The following EPHA6 variants were observed in gnomAD, a reference collection of about 807,000 sequenced individuals.
The protein encoded by EPHA6 is ephrin type-A receptor 6.
Under a neutral mutation model 112.0 loss-of-function variants are expected in EPHA6, and 50 were observed. The ratio of observed to expected loss-of-function variants is 0.45; its 90% CI spans 0.36 to 0.56. The LOEUF (loss-of-function observed/expected upper bound fraction) is 0.56. EPHA6 is among the 20% of genes least tolerant of loss of function. EPHA6 has a pLI of 0.00. For synonymous variants in EPHA6, 529 were observed against 490.7 expected (o/e 1.08, Z -1.03); for missense variants, 1,280 against 1,417.4 (o/e 0.90, Z 1.56).
intron 3 of EPHA6, among the ~76,000 whole-genome samples, chr3:97,198,769 A>G (rs1159852830): frequency 2.6e-5 from 4 of 152,168 alleles, no homozygotes; most frequent in Non-Finnish European, 5.9e-5. Flanking sequence ...TCATTAAAGC[A>G]AAAATTCAAC....
intron 2 of EPHA6, among the ~76,000 whole-genome samples, chr3:96,922,323 A>G (rs374440809): frequency 3.3e-5 from 5 of 152,206 alleles, no homozygotes; most frequent in Non-Finnish European, 5.9e-5. Context: ...TTCAGCAAAG[A>G]TTGTCAAAGA....
At chr3:96,965,563 AT>A (rs1203949317) in intron 2 of EPHA6, among the ~76,000 whole-genome samples, 3 of 152,040 alleles carry the variant, frequency 2.0e-5, no homozygotes, top group Non-Finnish European at 4.4e-5. Context: ...TGTAGTTTAT[AT>A]TTTTTCTTAC....
At chr3:96,816,654 T>A (rs941622412) in intron 1 of EPHA6, among the ~76,000 whole-genome samples, 2 of 152,072 alleles carry the variant, frequency 1.3e-5, no homozygotes, top group Non-Finnish European at 2.9e-5. Flanking sequence ...CATGCAATAA[T>A]TTCCCCAAAC....
At chr3:97,628,250 C>G (rs301928) in intron 13 of EPHA6, among the ~76,000 whole-genome samples, 105,388 of 151,794 alleles carry the variant, frequency 0.69, 39,619 homozygotes, top group Middle Eastern at 0.9. Context: ...GTTAAAAGTA[C>G]AGCCAATAGG....
intron 3 of EPHA6, among the ~76,000 whole-genome samples, chr3:96,993,956 G>A (rs913234669): frequency 3.9e-5 from 6 of 152,114 alleles, no homozygotes; most frequent in African/African-American, 1.4e-4. Context: ...CATATCTACT[G>A]AATGATGTAT....
intron 6 of EPHA6, among the ~76,000 whole-genome samples, chr3:97,426,700 A>G (rs1224317103): frequency 6.6e-6 from 1 of 152,272 alleles, no homozygotes; most frequent in South Asian, 2.1e-4. Flanking sequence ...CAAGTGGAAC[A>G]TGATTAAACT....
chr3:97,401,398 C>T (rs1359485680), intron 5 of EPHA6, among the ~76,000 whole-genome samples: 5 of 151,790 alleles, frequency 3.3e-5, no homozygotes, highest in African/African-American at 1.2e-4. Context: ...CTTCACTGTA[C>T]AACCGTGGTA....
At chr3:96,855,223 C>A (rs957124763) in intron 1 of EPHA6, among the ~76,000 whole-genome samples, 3 of 152,164 alleles carry the variant, frequency 2.0e-5, no homozygotes, top group South Asian at 2.1e-4. Context: ...TATAAAATAT[C>A]CCCCTATTTT....
At chr3:97,518,407 TA>T (rs2092481114) in intron 10 of EPHA6, among the ~76,000 whole-genome samples, 1 of 152,132 alleles carries the variant, frequency 6.6e-6, no homozygotes, top group African/African-American at 2.4e-5. Context: ...CTATTGTAAA[TA>T]GTGCTGCAAT....
intron 6 of EPHA6, chr3:97,439,645 C>T (rs2090033261): frequency 2.0e-6 from 2 of 1,002,384 alleles, no homozygotes; most frequent in Admixed American, 1.2e-4. Flanking sequence ...AGGCAGAAAC[C>T]AGGAAAGCTA....
intron 7 of EPHA6, among the ~76,000 whole-genome samples, chr3:97,473,422 T>G (rs996329671): frequency 1.3e-5 from 2 of 151,818 alleles, no homozygotes; most frequent in Non-Finnish European, 3.0e-5. Context: ...TCAGTAATTA[T>G]GTATGTAAAA....
At chr3:97,555,980 T>G (rs1271499244) in intron 11 of EPHA6, among the ~76,000 whole-genome samples, 2 of 151,984 alleles carry the variant, frequency 1.3e-5, no homozygotes, top group Admixed American at 1.3e-4. Context: ...CCAAAGCTCA[T>G]AGGTCCCAAA....
intron 12 of EPHA6, among the ~76,000 whole-genome samples, chr3:97,602,306 G>A (rs115157373): frequency 5.6e-4 from 85 of 152,086 alleles, no homozygotes; most frequent in Non-Finnish European, 9.7e-4. Flanking sequence ...CATATTTCCT[G>A]TTTGTATAGA....
chr3:97,173,920 A>G (rs936645371), intron 3 of EPHA6, among the ~76,000 whole-genome samples: 2 of 151,734 alleles, frequency 1.3e-5, no homozygotes, highest in African/African-American at 4.8e-5. Context: ...AAAATATTCA[A>G]TTAAGTTGTT....
intron 1 of EPHA6, among the ~76,000 whole-genome samples, chr3:96,842,051 G>A (rs2034785370): frequency 2.0e-5 from 3 of 152,038 alleles, no homozygotes; most frequent in African/African-American, 7.2e-5. Flanking sequence ...AGCCAGGAGA[G>A]GAAATACCTA....
rs146885357 is a variant in EPHA6 at position 97,387,263 on chromosome 3, G to T, written c.1607-17887G>T. Among the ~76,000 whole-genome samples the T allele has an allele frequency of 7.5e-3, 1,141 of 151,216 alleles. 16 individuals are homozygous for T. The highest frequency in any genetic ancestry group is 0.027 in the African/African-American group (1,091 of 41,168). On this transcript the variant is annotated intron_variant, in intron 5 of 17. Transcript: ENST00000389672. ...GTTTTTCCTTTCTACCACATGATGG[G>T]ACTGCAAATTTTCCCAACTTCTGCT...
intron 5 of EPHA6, among the ~76,000 whole-genome samples, chr3:97,283,990 T>C (rs2108670434): frequency 6.6e-6 from 1 of 152,312 alleles, no homozygotes; most frequent in Admixed American, 6.5e-5. Context: ...CTCATAATTA[T>C]ATTTTCTAGT....
At chr3:97,445,845 G>T (rs2090325020) in intron 6 of EPHA6, among the ~76,000 whole-genome samples, 1 of 152,018 alleles carries the variant, frequency 6.6e-6, no homozygotes, top group Non-Finnish European at 1.5e-5. Context: ...ATGAAAAACA[G>T]AACTTTATGA....
rs1185238322 is a variant in EPHA6 at position 96,845,554 on chromosome 3, G to C, written c.386-21271G>C. 2.6e-5 allele frequency among the ~76,000 whole-genome samples: 4 copies of C among 151,994 alleles called. No individual in the cohort carries two copies. The East Asian group carries it at 7.8e-4, about 29-fold the overall frequency. On this transcript the variant is annotated intron_variant, in intron 1 of 17. Transcript: ENST00000389672. ...TTGGTTGGTTTTGTCTTAGTTCCTTGTTTGTTCTGCCTGTCTTAACTTCCT... is the reference window on the plus strand; with the variant it reads ...TTGGTTGGTTTTGTCTTAGTTCCTTCTTTGTTCTGCCTGTCTTAACTTCCT...
Sources: allele counts gnomAD v4.1 joint callset (sites outside exome capture counted in the v4.1 genomes callset), GRCh38; gene constraint gnomAD v4.1.1; transcripts MANE v1.5; gene names NCBI Gene and HGNC (gene_info 2026-07-23, HGNC 2026-07-21).